Variants in GPC6 observed in about 807,000 individuals in gnomAD.
GPC6 encodes the protein glypican 6.
A neutral mutation model predicts 55.2 loss-of-function variants in GPC6; 14 were observed. The ratio of observed to expected loss-of-function variants is 0.25; its 90% CI spans 0.17 to 0.40. GPC6 has a LOEUF of 0.40. GPC6 is among the 10% of genes least tolerant of loss of function. The pLI, the probability that GPC6 is intolerant of heterozygous loss-of-function variation, is 1.00. For synonymous variants in GPC6, 278 were observed against 259.6 expected, an observed-to-expected ratio of 1.07 and a Z score of -0.68; for missense variants, 641 against 708.5, an observed-to-expected ratio of 0.90 and a Z score of 1.08.
intron 2 of GPC6, among the ~76,000 whole-genome samples, chr13:93,626,030 T>A (rs1288689281): frequency 7.9e-5 from 12 of 152,306 alleles, no homozygotes; most frequent in African/African-American, 2.9e-4. Context: ...TCATGATTGA[T>A]ACATGAGGAG....
At chr13:93,298,215 A>G (rs1190328276) in intron 1 of GPC6, among the ~76,000 whole-genome samples, 1 of 152,322 alleles carries the variant, frequency 6.6e-6, no homozygotes. Flanking sequence ...AACATCAGCA[A>G]TGACAACCAC....
chr13:93,243,979 C>T (rs1432917996), intron 1 of GPC6, among the ~76,000 whole-genome samples: 1 of 151,864 alleles, frequency 6.6e-6, no homozygotes. Flanking sequence ...CCTAAAAGGC[C>T]CTGTCTGTGT....
intron 2 of GPC6, among the ~76,000 whole-genome samples, chr13:93,638,910 A>G (rs992591418): frequency 6.6e-6 from 1 of 152,150 alleles, no homozygotes; most frequent in African/African-American, 2.4e-5. Flanking sequence ...AATGGCAAAA[A>G]TAGTGTATAT....
intron 2 of GPC6, among the ~76,000 whole-genome samples, chr13:93,726,029 A>G (rs1883623064): frequency 6.6e-6 from 1 of 151,796 alleles, no homozygotes. Flanking sequence ...TTATATTTAG[A>G]TATCCATAGC....
intron 2 of GPC6, among the ~76,000 whole-genome samples, chr13:93,790,592 C>T (rs563227543): frequency 1.4e-4 from 22 of 152,224 alleles, no homozygotes; most frequent in African/African-American, 4.8e-4. Context: ...GATACCATAC[C>T]TCCAGTTATC....
At chr13:94,146,787 T>A (rs1026879330) in intron 4 of GPC6, among the ~76,000 whole-genome samples, 1 of 152,168 alleles carries the variant, frequency 6.6e-6, no homozygotes, top group African/African-American at 2.4e-5. Flanking sequence ...ATATTAATTA[T>A]GTGATTGACC....
intron 4 of GPC6, among the ~76,000 whole-genome samples, chr13:94,203,727 C>G (rs561020085): frequency 6.6e-6 from 1 of 152,072 alleles, no homozygotes; most frequent in Non-Finnish European, 1.5e-5. Flanking sequence ...TTCTTTACTT[C>G]GAAAATTCTC....
intron 4 of GPC6, among the ~76,000 whole-genome samples, chr13:94,125,248 G>A (rs1886764305): frequency 6.6e-6 from 1 of 152,064 alleles, no homozygotes; most frequent in Non-Finnish European, 1.5e-5. Flanking sequence ...AACAAGACAG[G>A]TGTATTTTAT....
chr13:94,100,356 A>G (rs1328084342), intron 4 of GPC6, among the ~76,000 whole-genome samples: 1 of 152,230 alleles, frequency 6.6e-6, no homozygotes, highest in Non-Finnish European at 1.5e-5. Context: ...TTCAGTGTTT[A>G]ATACATTACT....
intron 4 of GPC6, among the ~76,000 whole-genome samples, chr13:94,036,555 C>T (rs1239712765): frequency 1.3e-5 from 2 of 151,922 alleles, no homozygotes; most frequent in Non-Finnish European, 2.9e-5. Context: ...CAATATTCAC[C>T]ACTAAAATCT....
chr13:93,243,811 G>A (rs528212652), intron 1 of GPC6, among the ~76,000 whole-genome samples: 72 of 152,280 alleles, frequency 4.7e-4, no homozygotes, highest in African/African-American at 1.6e-3. Context: ...GTGTTACTGT[G>A]TCAGAAGATG....
chr13:93,518,975 A>G (rs1001288990), intron 1 of GPC6, among the ~76,000 whole-genome samples: 2 of 152,086 alleles, frequency 1.3e-5, no homozygotes, highest in East Asian at 3.9e-4. Context: ...TAGCCACACT[A>G]ATTCATTTAT....
At chr13:94,007,016 C>T (rs1291235039) in intron 3 of GPC6, among the ~76,000 whole-genome samples, 1 of 152,172 alleles carries the variant, frequency 6.6e-6, no homozygotes, top group African/African-American at 2.4e-5. Context: ...TCCTTAGTCA[C>T]TATGCTGTTT....
At chr13:93,710,509 A>G (rs182579040) in intron 2 of GPC6, among the ~76,000 whole-genome samples, 2 of 151,824 alleles carry the variant, frequency 1.3e-5, no homozygotes, top group Admixed American at 1.3e-4. Context: ...TATGTGTAGG[A>G]GAGCAAAACA....
intron 2 of GPC6, among the ~76,000 whole-genome samples, chr13:93,627,827 T>C (rs550666544): frequency 1.5e-4 from 23 of 152,350 alleles, no homozygotes; most frequent in African/African-American, 5.5e-4. Context: ...TTTTTCAGAA[T>C]GCATATTTAA....
rs79645027 is a variant in GPC6 at position 94,354,735 on chromosome 13, G to T, written c.1153-27679G>T. ...AGATGAATTGGCATTATCTGAGAAGGCTTCAGACCTGAGACTGCTCTTAAA... is the reference window on the plus strand; with the variant it reads ...AGATGAATTGGCATTATCTGAGAAGTCTTCAGACCTGAGACTGCTCTTAAA... On this transcript the variant is annotated intron_variant, in intron 6 of 8. Coordinates refer to ENST00000377047, the MANE Select transcript of GPC6 (RefSeq NM_005708.5). Among the ~76,000 whole-genome samples the T allele has an allele frequency of 4.7e-3, 718 of 152,326 alleles. 16 individuals are homozygous for T. In the East Asian group the frequency reaches 0.074, roughly 16 times the overall value.
chr13:93,598,990 A>G (rs1243440512), intron 2 of GPC6, among the ~76,000 whole-genome samples: 1 of 152,242 alleles, frequency 6.6e-6, no homozygotes, highest in African/African-American at 2.4e-5. Flanking sequence ...TCAATTTGCA[A>G]CAGTTCTACT....
At chr13:93,515,786 T>C (rs1354813558) in intron 1 of GPC6, among the ~76,000 whole-genome samples, 3 of 152,090 alleles carry the variant, frequency 2.0e-5, no homozygotes, top group Non-Finnish European at 4.4e-5. Flanking sequence ...GACACACAAT[T>C]AACCATAAAT....
chr13:93,895,815 A>T (rs1039410592), intron 3 of GPC6, among the ~76,000 whole-genome samples: 14 of 152,082 alleles, frequency 9.2e-5, no homozygotes, highest in Non-Finnish European at 1.5e-5. Flanking sequence ...TTTTGTGCCC[A>T]AACTTTTAAA....
Sources: gnomAD v4.1 joint callset for allele counts (sites outside exome capture counted in the v4.1 genomes callset) on GRCh38, gnomAD v4.1.1 for gene constraint, MANE v1.5 for transcripts, NCBI Gene and HGNC (gene_info 2026-07-23, HGNC 2026-07-21) for gene names.